FBXL4: variants seen among roughly 807,000 people sequenced by gnomAD.
FBXL4 encodes the protein F-box and leucine rich repeat protein 4, also known as F-box/LRR-repeat protein 4.
A neutral mutation model predicts 58.9 loss-of-function variants in FBXL4; 40 were observed. The ratio of observed to expected loss-of-function variants is 0.68; its 90% CI spans 0.53 to 0.88. The LOEUF (loss-of-function observed/expected upper bound fraction) is 0.88, where lower values mean the gene tolerates loss of function less well. FBXL4 is among the 40% of genes least tolerant of loss of function. FBXL4 has a pLI of 0.00. For synonymous variants in FBXL4, 263 were observed against 265.5 expected (o/e 0.99, Z 0.09); for missense variants, 676 against 734.4 (o/e 0.92, Z 0.92).
At chr6:98,946,603 A>C (rs533139648) in intron 1 of FBXL4, among the ~76,000 whole-genome samples, 1 of 152,226 alleles carries the variant, frequency 6.6e-6, no homozygotes, top group Non-Finnish European at 1.5e-5. Context: ...GGCGTGAGTA[A>C]AGAAATTATC....
chr6:98,943,103 T>A (rs1773493057), intron 1 of FBXL4, among the ~76,000 whole-genome samples: 1 of 151,376 alleles, frequency 6.6e-6, no homozygotes, highest in African/African-American at 2.4e-5. Flanking sequence ...ATAGATTGTA[T>A]CAATGTCAAT....
At chr6:98,897,177 C>T in intron 7 of FBXL4, 1 of 984,826 alleles carries the variant, frequency 1.0e-6, no homozygotes, top group African/African-American at 1.7e-5. Flanking sequence ...GCATTTAAAT[C>T]CTCCTTGCTC....
intron 9 of FBXL4, among the ~76,000 whole-genome samples, chr6:98,874,751 G>A (rs1055309928): frequency 2.6e-5 from 4 of 152,064 alleles, no homozygotes; most frequent in African/African-American, 9.7e-5. Context: ...TGTCACCCCA[G>A]TTCAAAATGG....
At chr6:98,934,995 G>A (rs1189393708) in intron 1 of FBXL4, 116 bp from the exon 2 acceptor site, 1 of 152,196 alleles carries the variant, frequency 6.6e-6, no homozygotes, top group Non-Finnish European at 1.5e-5. Flanking sequence ...GAATACATTA[G>A]ACTGTGCAAA....
At chr6:98,922,642 G>C (rs1274947942) in intron 4 of FBXL4, among the ~76,000 whole-genome samples, 1 of 152,136 alleles carries the variant, frequency 6.6e-6, no homozygotes, top group Non-Finnish European at 1.5e-5. Context: ...GGTATAAACT[G>C]AGTTGCTTGA....
intron 9 of FBXL4, 120 bp from the exon 10 acceptor site, chr6:98,874,561 AC>A: frequency 9.1e-7 from 1 of 1,096,492 alleles, no homozygotes; most frequent in South Asian, 1.7e-5. Context: ...ATAACCCTTT[AC>A]AAATTAAAAT....
rs140276012 is a variant in FBXL4, at chr6:98,928,337, T to C, written c.-190-515A>G. Among the ~76,000 whole-genome samples, 127 of 152,158 alleles carry C rather than the reference T, an allele frequency of 8.3e-4. 2 individuals carry two copies. The highest frequency in any genetic ancestry group is 2.3e-3 in the African/African-American group (96 of 41,508). ...AGGGAGATGTACCAACTTTTCTTTTTTTTTTTTCGAGACAGGGTGTCTCTC... is the reference window on the plus strand; with the variant it reads ...AGGGAGATGTACCAACTTTTCTTTTCTTTTTTTCGAGACAGGGTGTCTCTC... On this transcript the variant is annotated intron_variant, in intron 2 of 9. Coordinates refer to ENST00000369244, the MANE Select transcript of FBXL4 (RefSeq NM_001278716.2).
chr6:98,930,512 T>C (rs1168781218), intron 2 of FBXL4, among the ~76,000 whole-genome samples: 2 of 152,222 alleles, frequency 1.3e-5, no homozygotes, highest in Non-Finnish European at 2.9e-5. Flanking sequence ...TCAGGACATA[T>C]AATAGCAAGT....
At chr6:98,905,076 G>C (rs940418508) in intron 6 of FBXL4, among the ~76,000 whole-genome samples, 1 of 152,154 alleles carries the variant, frequency 6.6e-6, no homozygotes, top group Non-Finnish European at 1.5e-5. Context: ...TCACATTAGA[G>C]AGGTAGATTT....
At chr6:98,942,417 G>A (rs758212835) in intron 1 of FBXL4, among the ~76,000 whole-genome samples, 14 of 152,072 alleles carry the variant, frequency 9.2e-5, no homozygotes, top group Non-Finnish European at 1.5e-4. Flanking sequence ...GCTGGAGGTG[G>A]GGCCTGGAAG....
In FBXL4 at chr6:98,898,248, A is replaced by C. The variant is rs545057779; in HGVS notation, c.1317+1020T>G. 1.8e-3 allele frequency: 1,790 copies of C among 973,806 alleles called. 3 individuals carry two copies. Among genetic ancestry groups the C allele is most frequent in the South Asian group, 7.8e-3 (164 of 21,032 alleles). The allele number at this position is 973,806 out of a possible 1,614,324, so 60.3% of individuals were successfully genotyped here. On this transcript the variant is annotated intron_variant, in intron 7 of 9. Transcript: ENST00000369244. ...AGCCCTGAGCTGGGACCAGGTCAGA[A>C]CATTCAAGGAATAGAAAGAAGGCCA...
chr6:98,947,133 A>G (rs780394775), intron 1 of FBXL4, among the ~76,000 whole-genome samples: 4 of 152,200 alleles, frequency 2.6e-5, no homozygotes, highest in Non-Finnish European at 2.9e-5. Flanking sequence ...CACCTTCTAT[A>G]ATAGTTATTT....
At chr6:98,936,921 A>T (rs1011253375) in intron 1 of FBXL4, among the ~76,000 whole-genome samples, 1 of 152,210 alleles carries the variant, frequency 6.6e-6, no homozygotes, top group African/African-American at 2.4e-5. Flanking sequence ...TGTTAAGAGT[A>T]GTTCAGTTCC....
chr6:98,921,594 A>C (rs918663911), intron 4 of FBXL4, among the ~76,000 whole-genome samples: 4 of 152,118 alleles, frequency 2.6e-5, no homozygotes, highest in Non-Finnish European at 5.9e-5. Context: ...TAAAAAAAGA[A>C]TTAACCAGTG....
intron 4 of FBXL4, among the ~76,000 whole-genome samples, chr6:98,925,069 A>G (rs1306670829): frequency 1.3e-5 from 2 of 152,262 alleles, no homozygotes; most frequent in Non-Finnish European, 2.9e-5. Context: ...GCTAAGATCC[A>G]TGAGTAATAG....
chr6:98,879,834 T>C (rs1041422422), intron 8 of FBXL4, among the ~76,000 whole-genome samples: 2 of 151,410 alleles, frequency 1.3e-5, no homozygotes, highest in African/African-American at 4.9e-5. Context: ...TCCCAGCTAC[T>C]TGGGAGGTTG....
chr6:98,923,566 A>G (rs1772665335), intron 4 of FBXL4, among the ~76,000 whole-genome samples: 2 of 152,104 alleles, frequency 1.3e-5, no homozygotes, highest in Admixed American at 1.3e-4. Context: ...AGCCTCACTC[A>G]ACCCTCAGGT....
chr6:98,897,822 C>A (rs1458802026), intron 7 of FBXL4, among the ~76,000 whole-genome samples: 1 of 152,126 alleles, frequency 6.6e-6, no homozygotes, highest in Non-Finnish European at 1.5e-5. Context: ...ACCATTCCCA[C>A]CAGAACTAAT....
At chr6:98,877,925 C>A (rs534956824) in intron 8 of FBXL4, among the ~76,000 whole-genome samples, 1 of 152,102 alleles carries the variant, frequency 6.6e-6, no homozygotes, top group Non-Finnish European at 1.5e-5. Flanking sequence ...CTAAGTAGTC[C>A]TAAAAACATG....
Sources: gnomAD v4.1 joint callset for allele counts (sites outside exome capture counted in the v4.1 genomes callset) on GRCh38, gnomAD v4.1.1 for gene constraint, MANE v1.5 for transcripts, NCBI Gene and HGNC (gene_info 2026-07-23, HGNC 2026-07-21) for gene names.